The following FAM184B variants were observed in gnomAD, a reference collection of about 807,000 sequenced individuals.
FAM184B encodes protein FAM184B.
FAM184B carries 111 observed loss-of-function variants against 135.9 expected under a neutral mutation model. The observed-to-expected ratio is 0.82, with a 90% CI of 0.70 to 0.96. The LOEUF is 0.96. Ranked by LOEUF, FAM184B falls within the 40% of genes least tolerant of loss-of-function variation. FAM184B has a pLI of 0.00. For synonymous variants in FAM184B, 552 were observed against 524.8 expected (o/e 1.05, Z -0.71); for missense variants, 1,375 against 1,323.9 (o/e 1.04, Z -0.60).
Position 17,632,542 on chromosome 4 carries a change from AAGTACTTGGT to A in FAM184B, c.3163_3172del (p.Thr1055PhefsTer25). On this transcript the variant is annotated frameshift_variant, in exon 18 of 18. Coordinates refer to ENST00000265018, the MANE Select transcript of FAM184B (RefSeq NM_015688.2). LOFTEE classifies it high-confidence loss of function. ...ATCCCAAAGGTTAGCTTAGAAAGAAAAGTACTTGGTGAACCATTCCTGGTGCGGAGAGCCC... is the reference window on the plus strand; with the variant it reads ...ATCCCAAAGGTTAGCTTAGAAAGAAAGAACCATTCCTGGTGCGGAGAGCCC... 1 of 1,550,826 alleles carries A rather than the reference AAGTACTTGGT, an allele frequency of 6.4e-7. No individual in the cohort carries two copies. Among genetic ancestry groups the A allele is most frequent in the Non-Finnish European group, 8.7e-7 (1 of 1,146,340 alleles).
chr4:17,702,343 A>G (rs1196383617), intron 5 of FAM184B, among the ~76,000 whole-genome samples: 1 of 152,268 alleles, frequency 6.6e-6, no homozygotes, highest in East Asian at 1.9e-4. Context: ...CAGTGTATGC[A>G]AATGCTAATT....
chr4:17,670,048 A>T (rs1461735573), intron 7 of FAM184B, among the ~76,000 whole-genome samples: 1 of 152,214 alleles, frequency 6.6e-6, no homozygotes, highest in East Asian at 1.9e-4. Context: ...CATTTTACAG[A>T]CTGTGCTATC....
At chr4:17,709,903 C>A (rs560424269) in intron 1 of FAM184B, among the ~76,000 whole-genome samples, 1 of 152,212 alleles carries the variant, frequency 6.6e-6, no homozygotes, top group Non-Finnish European at 1.5e-5. Flanking sequence ...CAGCTTTGGC[C>A]GAATTCCGAA....
At chr4:17,644,908 G>A (rs1415562556) in intron 12 of FAM184B, among the ~76,000 whole-genome samples, 2 of 152,122 alleles carry the variant, frequency 1.3e-5, no homozygotes, top group African/African-American at 2.4e-5. Context: ...AAATCAATGT[G>A]CAAAAATCAC....
chr4:17,756,673 C>T (rs1460570314), intron 1 of FAM184B, among the ~76,000 whole-genome samples: 1 of 152,088 alleles, frequency 6.6e-6, no homozygotes, highest in Non-Finnish European at 1.5e-5. Flanking sequence ...ACCTGTCATC[C>T]CAGCACTTTG....
At chr4:17,756,996 G>A (rs1718439071) in intron 1 of FAM184B, among the ~76,000 whole-genome samples, 1 of 152,200 alleles carries the variant, frequency 6.6e-6, no homozygotes, top group South Asian at 2.1e-4. Flanking sequence ...ATGATGGTCA[G>A]CAGTCTTTCC....
chr4:17,721,405 A>AAAAAAAAAAAAAAAAC (rs1235018517), intron 1 of FAM184B, among the ~76,000 whole-genome samples: 2 of 149,614 alleles, frequency 1.3e-5, no homozygotes, highest in Non-Finnish European at 3.0e-5. Context: ...AAAAAAAAAA[A>AAAAAAAAAAAAAAAAC]ATCTCTTTGC....
Position 17,642,152 on chromosome 4 carries a change from C to G in FAM184B, c.2423G>C (p.Trp808Ser). 1 of 1,533,732 alleles carries G rather than the reference C, an allele frequency of 6.5e-7. No homozygotes were observed. The change falls in exon 13 of 18, where the codon TGG (tryptophan) becomes TCG (serine). Residue 808 changes from tryptophan to serine, a missense_variant. Transcript: ENST00000265018. Reference sequence around the variant, plus strand: ...GTCCTGGAGCTGCGCGTTCTCCTCCCAGAGCCCGCATCCCTCGCCGGAACC... The same window carrying G: ...GTCCTGGAGCTGCGCGTTCTCCTCCGAGAGCCCGCATCCCTCGCCGGAACC... ...GQGSGEGCGL[W>S]EENAQLQDAV...
Position 17,766,588 on chromosome 4 carries a change from TC to T in FAM184B, c.141+14570del, listed in dbSNP as rs1296589958. Reference sequence around the variant, plus strand: ...ATCCCTTAGCTAGACATAAAGGTTCTCCAAGTCCCCACCAGATTAGCTAGAT... The same window carrying T: ...ATCCCTTAGCTAGACATAAAGGTTCTCAAGTCCCCACCAGATTAGCTAGAT... On this transcript the variant is annotated intron_variant, in intron 1 of 17. Coordinates refer to ENST00000265018, the MANE Select transcript of FAM184B (RefSeq NM_015688.2). 7.2e-5 allele frequency among the ~76,000 whole-genome samples: 11 copies of T among 152,164 alleles called. 1 individual carries two copies. The Middle Eastern group carries it at 0.017, about 235-fold the overall frequency.
intron 13 of FAM184B, among the ~76,000 whole-genome samples, chr4:17,640,675 G>C (rs10452131): frequency 0.024 from 3,670 of 152,242 alleles, 142 homozygotes; most frequent in African/African-American, 0.084. Flanking sequence ...GGATGAAATA[G>C]ACGAATTCTT....
chr4:17,692,395 C>T (rs919478229), intron 6 of FAM184B, among the ~76,000 whole-genome samples: 17 of 152,178 alleles, frequency 1.1e-4, no homozygotes, highest in African/African-American at 3.9e-4. Context: ...ACATACTCAT[C>T]ATTTTTTAAA....
chr4:17,748,414 T>C (rs2108987065), intron 1 of FAM184B, among the ~76,000 whole-genome samples: 1 of 151,960 alleles, frequency 6.6e-6, no homozygotes. Flanking sequence ...GAATCAAGAC[T>C]CTTTGGTCCA....
chr4:17,665,709 T>G (rs1175098629), intron 7 of FAM184B, among the ~76,000 whole-genome samples: 1 of 152,162 alleles, frequency 6.6e-6, no homozygotes, highest in Admixed American at 6.5e-5. Context: ...CAAAACTGCT[T>G]TTATTGCCTT....
At chr4:17,744,489 AC>A (rs66866577) in intron 1 of FAM184B, among the ~76,000 whole-genome samples, 2,320 of 126,036 alleles carry the variant, frequency 0.018, 25 homozygotes, top group African/African-American at 0.053. Flanking sequence ...ACACACACAC[AC>A]CACACACACA....
intron 7 of FAM184B, among the ~76,000 whole-genome samples, chr4:17,666,495 G>A (rs371723570): frequency 4.6e-4 from 9 of 19,678 alleles, no homozygotes; most frequent in Admixed American, 9.5e-4. Flanking sequence ...TTTTTTTTTT[G>A]GTATTTTTAG....
At chr4:17,758,775 C>T (rs944878713) in intron 1 of FAM184B, among the ~76,000 whole-genome samples, 2 of 152,172 alleles carry the variant, frequency 1.3e-5, no homozygotes, top group African/African-American at 4.8e-5. Flanking sequence ...TTCCCCCTTC[C>T]CACAGCACTC....
intron 17 of FAM184B, 66 bp from the exon 18 acceptor site, chr4:17,632,691 C>CCATCTTTT: frequency 9.4e-7 from 1 of 1,064,768 alleles, no homozygotes; most frequent in Non-Finnish European, 1.4e-6. Flanking sequence ...TTAATACCCA[C>CCATCTTTT]CATCTTTTCA....
intron 12 of FAM184B, among the ~76,000 whole-genome samples, chr4:17,645,499 G>C (rs1266680429): frequency 1.3e-5 from 2 of 152,146 alleles, no homozygotes; most frequent in African/African-American, 4.8e-5. Flanking sequence ...TTTAATAAAT[G>C]GTGCTGGGAA....
At chr4:17,666,469 C>CTTTTTTTTTTTTTTTTTTT (rs386399397) in intron 7 of FAM184B, among the ~76,000 whole-genome samples, 22 of 57,156 alleles carry the variant, frequency 3.8e-4, no homozygotes, top group Non-Finnish European at 4.4e-4. Flanking sequence ...GTGCCTGGTT[C>CTTTTTTTTTTTTTTTTTTT]TTTTTTTTTT....
Sources: allele counts gnomAD v4.1 joint callset (sites outside exome capture counted in the v4.1 genomes callset), GRCh38; gene constraint gnomAD v4.1.1; transcripts MANE v1.5; gene names NCBI Gene and HGNC (gene_info 2026-07-23, HGNC 2026-07-21).